The following PPM1B variants were observed in gnomAD, a reference collection of about 807,000 sequenced individuals.
PPM1B encodes the protein protein phosphatase, Mg2+/Mn2+ dependent 1B, also known as protein phosphatase 1B.
Under a neutral mutation model 43.0 loss-of-function variants are expected in PPM1B, and 22 were observed. The observed-to-expected ratio is 0.51, with a 90% CI of 0.37 to 0.73. The LOEUF is 0.73. Among genes scored for constraint, PPM1B ranks in the 30% least tolerant of loss-of-function variants. The pLI, the probability that PPM1B is intolerant of heterozygous loss-of-function variation, is 0.00. For synonymous variants in PPM1B, 217 were observed against 197.9 expected, an observed-to-expected ratio of 1.10 and a Z score of -0.81; for missense variants, 632 against 584.2, an observed-to-expected ratio of 1.08 and a Z score of -0.84.
chr2:44,234,128 A>G, downstream of PPM1B: 6 of 968,566 alleles, frequency 6.2e-6, no homozygotes, highest in Non-Finnish European at 6.1e-6. Flanking sequence ...TATGGTTGGC[A>G]TATTTCTGAA....
downstream of PPM1B, chr2:44,232,935 G>C: frequency 1.4e-5 from 14 of 978,036 alleles, no homozygotes; most frequent in African/African-American, 1.8e-5. Flanking sequence ...ATGTTGCCTT[G>C]CTTCAAGATA....
At chr2:44,244,838 T>TACAC (rs57666659), downstream of PPM1B, among the ~76,000 whole-genome samples, 2 of 144,546 alleles carry the variant, frequency 1.4e-5, no homozygotes, top group African/African-American at 2.6e-5. Context: ...TATATATATA[T>TACAC]ACACACACAC....
At chr2:44,209,454 G>A (rs1669352867) in intron 3 of PPM1B, 127 bp downstream of exon 3, 2 of 1,044,358 alleles carry the variant, frequency 1.9e-6, no homozygotes, top group Middle Eastern at 2.4e-4. Flanking sequence ...ATTTAGAGAG[G>A]GAAAGTATTC....
intron 5 of PPM1B, among the ~76,000 whole-genome samples, chr2:44,226,735 CTTTTTTTTTT>C (rs60750702): frequency 6.0e-5 from 4 of 66,686 alleles, no homozygotes; most frequent in Admixed American, 2.3e-4. Context: ...AGGTTTTTAT[CTTTTTTTTTT>C]TTTTTTTTTT....
At chr2:44,224,872 G>A (rs893027211) in intron 5 of PPM1B, among the ~76,000 whole-genome samples, 1 of 152,098 alleles carries the variant, frequency 6.6e-6, no homozygotes, top group African/African-American at 2.4e-5. Context: ...ACTTCAATAT[G>A]AAATAACCTG....
At chr2:44,238,052 C>G (rs1367569607), downstream of PPM1B, among the ~76,000 whole-genome samples, 2 of 152,098 alleles carry the variant, frequency 1.3e-5, no homozygotes, top group African/African-American at 4.8e-5. Flanking sequence ...AGGTGTCCAC[C>G]ACCATGCCCA....
At chr2:44,225,488 C>T (rs1199284666) in intron 5 of PPM1B, among the ~76,000 whole-genome samples, 1 of 152,162 alleles carries the variant, frequency 6.6e-6, no homozygotes, top group Non-Finnish European at 1.5e-5. Context: ...TTTCAGTCCT[C>T]TATTGTCTAT....
At chr2:44,218,260 A>G (rs1247608977) in intron 4 of PPM1B, among the ~76,000 whole-genome samples, 182 bp downstream of exon 4, 2 of 152,218 alleles carry the variant, frequency 1.3e-5, no homozygotes, top group South Asian at 2.1e-4. Flanking sequence ...GGAATTATCT[A>G]TCATACTCTT....
intron 3 of PPM1B, among the ~76,000 whole-genome samples, chr2:44,217,574 T>C (rs1391804996): frequency 6.6e-6 from 1 of 152,208 alleles, no homozygotes; most frequent in Admixed American, 6.5e-5. Flanking sequence ...AGATCAGAAG[T>C]ATTTTTCCAT....
intron 5 of PPM1B, among the ~76,000 whole-genome samples, chr2:44,220,645 G>T (rs775939900): frequency 2.5e-4 from 38 of 152,214 alleles, no homozygotes; most frequent in African/African-American, 8.7e-4. Flanking sequence ...TGTGTGTCTA[G>T]TGCAGCTTAC....
At chr2:44,203,894 G>A (rs1287980698) in intron 2 of PPM1B, among the ~76,000 whole-genome samples, 4 of 152,072 alleles carry the variant, frequency 2.6e-5, no homozygotes, top group South Asian at 4.1e-4. Flanking sequence ...ATTTTGACTC[G>A]ACCCTTCTGA....
At chr2:44,178,439 G>A (rs1425592435) in intron 1 of PPM1B, among the ~76,000 whole-genome samples, 2 of 143,546 alleles carry the variant, frequency 1.4e-5, no homozygotes, top group Non-Finnish European at 3.0e-5. Context: ...TACCAGTGGT[G>A]TATTTTATAT....
Position 44,169,034 on chromosome 2 carries a change from TGCGGCGGAGGAGGTG to T in PPM1B, c.-247_-233del. On this transcript the variant is annotated 5_prime_UTR_variant, in exon 1 of 6. Coordinates refer to ENST00000282412, the MANE Select transcript of PPM1B (RefSeq NM_002706.6). Reference sequence around the variant, plus strand: ...GGAAGATGCTCCAGAGAGACGAGGCTGCGGCGGAGGAGGTGGCGGCGGCCGAATCGGCAACGGCGC... The same window carrying T: ...GGAAGATGCTCCAGAGAGACGAGGCTGCGGCGGCCGAATCGGCAACGGCGC... 1.2e-5 allele frequency: 2 copies of T among 163,662 alleles called. No homozygotes were observed. The highest frequency in any genetic ancestry group is 2.4e-4 in the South Asian group (2 of 8,234). 10.1% of individuals were successfully genotyped at this position (163,662 alleles called of 1,614,324 possible).
intron 1 of PPM1B, among the ~76,000 whole-genome samples, chr2:44,185,119 G>T: frequency 6.6e-6 from 1 of 151,600 alleles, no homozygotes; most frequent in South Asian, 2.1e-4. Flanking sequence ...AAACTGTTTT[G>T]CCTGTTTTTA....
downstream of PPM1B, chr2:44,232,292 A>G: frequency 6.2e-7 from 1 of 1,603,276 alleles, no homozygotes. Context: ...AAATAATAAT[A>G]TTCTTCCTTT....
intron 5 of PPM1B, among the ~76,000 whole-genome samples, chr2:44,223,028 C>G (rs993676352): frequency 6.6e-6 from 1 of 152,052 alleles, no homozygotes; most frequent in Non-Finnish European, 1.5e-5. Flanking sequence ...GATAGGGTCT[C>G]GCTTCATTGC....
intron 1 of PPM1B, among the ~76,000 whole-genome samples, chr2:44,188,351 G>A (rs1043424644): frequency 6.9e-6 from 1 of 144,768 alleles, no homozygotes; most frequent in African/African-American, 2.6e-5. Context: ...TTCTCCCAGT[G>A]TTTATCATGG....
chr2:44,218,131 A>G (rs1669811193), intron 4 of PPM1B, 53 bp downstream of exon 4: 3 of 1,344,794 alleles, frequency 2.2e-6, no homozygotes, highest in Admixed American at 3.5e-5. Flanking sequence ...GTAATTAAAT[A>G]ATTTGGGGTA....
downstream of PPM1B, among the ~76,000 whole-genome samples, chr2:44,239,527 T>C (rs1040139694): frequency 2.6e-5 from 4 of 152,276 alleles, no homozygotes; most frequent in Admixed American, 1.3e-4. Flanking sequence ...CCCAAGTTCA[T>C]ATAGTCTCTA....
Sources: gnomAD v4.1 joint callset for allele counts (sites outside exome capture counted in the v4.1 genomes callset) on GRCh38, gnomAD v4.1.1 for gene constraint, MANE v1.5 for transcripts, NCBI Gene and HGNC (gene_info 2026-07-23, HGNC 2026-07-21) for gene names.